ADAMTSL1: variants seen among roughly 807,000 people sequenced by gnomAD.
The protein encoded by ADAMTSL1 is ADAMTS-like protein 1.
ADAMTSL1 carries 126 observed loss-of-function variants against 201.8 expected under a neutral mutation model. The ratio of observed to expected loss-of-function variants is 0.62; its 90% CI spans 0.54 to 0.72. The LOEUF (loss-of-function observed/expected upper bound fraction) is 0.72. ADAMTSL1 is among the 30% of genes least tolerant of loss of function. The pLI is 0.00. For synonymous variants in ADAMTSL1, 1,121 were observed against 903.4 expected, an observed-to-expected ratio of 1.24 and a Z score of -4.32; for missense variants, 2,679 against 2,277.8, an observed-to-expected ratio of 1.18 and a Z score of -3.59.
At chr9:18,161,699 C>T (rs1827395470) in intron 1 of ADAMTSL1, among the ~76,000 whole-genome samples, 1 of 152,016 alleles carries the variant, frequency 6.6e-6, no homozygotes, top group Non-Finnish European at 1.5e-5. Flanking sequence ...GTGGGGAAGG[C>T]TTCTGAGCAG....
At chr9:18,054,661 A>G (rs1822092518) in intron 1 of ADAMTSL1, among the ~76,000 whole-genome samples, 1 of 152,246 alleles carries the variant, frequency 6.6e-6, no homozygotes. Context: ...TGAAGCTCAG[A>G]AAGATGAAGT....
At chr9:18,839,454 T>C (rs1022999365) in intron 23 of ADAMTSL1, among the ~76,000 whole-genome samples, 1 of 152,170 alleles carries the variant, frequency 6.6e-6, no homozygotes, top group Non-Finnish European at 1.5e-5. Flanking sequence ...GTGGCTTGGT[T>C]CCATGTCTTT....
intron 23 of ADAMTSL1, among the ~76,000 whole-genome samples, chr9:18,886,183 T>TAC (rs1382243934): frequency 5.0e-5 from 6 of 121,178 alleles, no homozygotes; most frequent in Non-Finnish European, 1.8e-5. Flanking sequence ...TATATATATA[T>TAC]ATATATATAT....
chr9:18,078,729 C>T (rs1463894969), intron 1 of ADAMTSL1, among the ~76,000 whole-genome samples: 1 of 152,148 alleles, frequency 6.6e-6, no homozygotes, highest in Non-Finnish European at 1.5e-5. Flanking sequence ...ACTCCCTTCT[C>T]AGCTCCTAGA....
chr9:18,545,594 C>G (rs369127588), intron 3 of ADAMTSL1, among the ~76,000 whole-genome samples: 32 of 152,200 alleles, frequency 2.1e-4, no homozygotes, highest in African/African-American at 6.7e-4. Context: ...ATCCAAGAAT[C>G]CTTGCTGAAA....
intron 2 of ADAMTSL1, among the ~76,000 whole-genome samples, chr9:18,437,049 G>A (rs1468072082): frequency 6.6e-6 from 1 of 151,776 alleles, no homozygotes; most frequent in East Asian, 1.9e-4. Flanking sequence ...GCCAGTCATT[G>A]GCTGTGGGTC....
chr9:17,981,690 T>C lies in ADAMTSL1; in HGVS notation c.87+74768T>C, dbSNP rs537523044. ...TTGAGGTTTTTTGGCCCACTGAAGC[T>C]GCTTGCACTTGTGGTATAAATCTAT... is the stretch of plus-strand genomic sequence containing the variant. On this transcript the variant is annotated intron_variant, in intron 1 of 29. Coordinates refer to the ADAMTSL1 transcript ENST00000680146. Among the ~76,000 whole-genome samples, 8 of 152,330 alleles carry C rather than the reference T, an allele frequency of 5.3e-5. No individual in the cohort carries two copies. The East Asian group carries it at 1.5e-3, about 29-fold the overall frequency.
chr9:18,828,660 T>TTTTTATATATATA (rs10685537), intron 22 of ADAMTSL1, among the ~76,000 whole-genome samples: 36 of 28,490 alleles, frequency 1.3e-3, no homozygotes, highest in African/African-American at 3.6e-3. Flanking sequence ...GAAAGTATAT[T>TTTTTATATATATA]TATATATATA....
intron 7 of ADAMTSL1, among the ~76,000 whole-genome samples, chr9:18,646,105 A>G (rs941844872): frequency 1.4e-3 from 210 of 151,856 alleles, no homozygotes; most frequent in African/African-American, 4.9e-3. Flanking sequence ...GGTCCTTCAC[A>G]TCCCTTGTAA....
Position 18,798,285 on chromosome 9 carries a change from C to T in ADAMTSL1, c.3805+2761C>T, listed in dbSNP as rs75171034. The stretch of plus-strand genomic sequence containing the variant: ...GGCTCTGGAGCCTTAGGGTCTAGGT[C>T]TGTATCCTGGCTCTGTCACTTCCTA... On this transcript the variant is annotated intron_variant, in intron 20 of 28. Transcript: ENST00000380548. Among the ~76,000 whole-genome samples, 1,084 of 152,250 alleles carry T rather than the reference C, an allele frequency of 7.1e-3. 17 individuals carry two copies. The highest frequency in any genetic ancestry group is 0.025 in the African/African-American group (1,055 of 41,520).
intron 2 of ADAMTSL1, among the ~76,000 whole-genome samples, chr9:18,373,941 A>G (rs1587002109): frequency 6.6e-6 from 1 of 152,180 alleles, no homozygotes; most frequent in South Asian, 2.1e-4. Flanking sequence ...AAGGGATGAT[A>G]GTAGCCAGCA....
chr9:18,112,576 G>T (rs1234822145), intron 1 of ADAMTSL1, among the ~76,000 whole-genome samples: 4 of 150,214 alleles, frequency 2.7e-5, no homozygotes, highest in Non-Finnish European at 5.9e-5. Flanking sequence ...CCATGTTTTT[G>T]TCTCACTGTT....
At chr9:18,038,101 A>T (rs1586931161) in intron 1 of ADAMTSL1, among the ~76,000 whole-genome samples, 1 of 152,168 alleles carries the variant, frequency 6.6e-6, no homozygotes, top group Admixed American at 6.5e-5. Flanking sequence ...GATGTCACTG[A>T]CCTGGCTTCC....
intron 26 of ADAMTSL1, among the ~76,000 whole-genome samples, chr9:18,902,374 T>TAATA (rs1830063001): frequency 6.6e-6 from 1 of 152,162 alleles, no homozygotes; most frequent in Non-Finnish European, 1.5e-5. Flanking sequence ...AAATAATTCT[T>TAATA]AATACAGTTC....
chr9:18,291,745 T>A (rs866555465), intron 2 of ADAMTSL1, among the ~76,000 whole-genome samples: 9,500 of 110,354 alleles, frequency 0.086, 677 homozygotes, highest in African/African-American at 0.23. Flanking sequence ...TCTCTCTCTC[T>A]CTCACACACA....
chr9:18,876,823 C>T (rs574727327), intron 23 of ADAMTSL1, among the ~76,000 whole-genome samples: 91 of 152,296 alleles, frequency 6.0e-4, no homozygotes, highest in African/African-American at 2.0e-3. Flanking sequence ...AAGTTTTCCT[C>T]GATTATTCCC....
At chr9:18,198,331 A>G (rs1829279194) in intron 2 of ADAMTSL1, among the ~76,000 whole-genome samples, 1 of 146,268 alleles carries the variant, frequency 6.8e-6, no homozygotes, top group African/African-American at 2.5e-5. Context: ...AACCTACAAA[A>G]TGGGAGAAAA....
intron 1 of ADAMTSL1, among the ~76,000 whole-genome samples, chr9:17,953,140 T>A (rs1439182030): frequency 1.3e-5 from 2 of 151,998 alleles, no homozygotes; most frequent in Non-Finnish European, 2.9e-5. Context: ...ACATGACACA[T>A]TGTATTGCTA....
At chr9:18,834,879 C>T (rs896732988) in intron 23 of ADAMTSL1, among the ~76,000 whole-genome samples, 16 of 152,252 alleles carry the variant, frequency 1.1e-4, no homozygotes, top group Non-Finnish European at 2.1e-4. Flanking sequence ...TGTTCAGAGA[C>T]GGAATCGTTA....
Sources: gnomAD v4.1 joint callset for allele counts (sites outside exome capture counted in the v4.1 genomes callset) on GRCh38, gnomAD v4.1.1 for gene constraint, MANE v1.5 for transcripts, NCBI Gene and HGNC (gene_info 2026-07-23, HGNC 2026-07-21) for gene names.